The following RAB11FIP3 variants were observed in gnomAD, a reference collection of about 807,000 sequenced individuals.
RAB11FIP3 encodes RAB11 family interacting protein 3, also known as rab11 family-interacting protein 3.
A neutral mutation model predicts 77.8 loss-of-function variants in RAB11FIP3; 17 were observed. The observed-to-expected ratio is 0.22, with a 90% confidence interval of 0.15 to 0.33. The LOEUF (loss-of-function observed/expected upper bound fraction) is 0.33. RAB11FIP3 is among the 10% of genes least tolerant of loss of function. RAB11FIP3 has a pLI of 1.00. For missense variants in RAB11FIP3, 1,005 were observed against 1,011.2 expected (o/e 0.99, Z 0.08); for synonymous variants, 437 against 448.2 (o/e 0.98, Z 0.31).
At chr16:431,901 C>T (rs1456968886) in intron 1 of RAB11FIP3, among the ~76,000 whole-genome samples, 2 of 151,978 alleles carry the variant, frequency 1.3e-5, no homozygotes, top group Non-Finnish European at 1.5e-5. Context: ...GGACTACAGG[C>T]GCCCGCCACC....
At chr16:434,801 C>T (rs539165372) in intron 1 of RAB11FIP3, among the ~76,000 whole-genome samples, 96 of 152,228 alleles carry the variant, frequency 6.3e-4, no homozygotes, top group African/African-American at 2.3e-3. Context: ...CAGTGGCTCA[C>T]ACCTGTAATC....
chr16:427,866 G>A (rs569785454), intron 1 of RAB11FIP3, among the ~76,000 whole-genome samples: 81 of 152,220 alleles, frequency 5.3e-4, no homozygotes, highest in African/African-American at 2.0e-3. Context: ...TTAGGAGGCC[G>A]AGGCGGGCGG....
At chr16:441,044 G>A (rs993117995) in intron 1 of RAB11FIP3, among the ~76,000 whole-genome samples, 1 of 152,000 alleles carries the variant, frequency 6.6e-6, no homozygotes, top group African/African-American at 2.4e-5. Flanking sequence ...AGGTTCAAGC[G>A]ATTCTCCCGC....
intron 5 of RAB11FIP3, among the ~76,000 whole-genome samples, chr16:494,179 G>A (rs572851150): frequency 1.2e-4 from 18 of 148,844 alleles, no homozygotes; most frequent in South Asian, 4.3e-4. Flanking sequence ...GTGAGCCACC[G>A]CACCTGGCCA....
intron 3 of RAB11FIP3, chr16:475,108 G>GGCAGTAGTGTGCACTGT: frequency 6.4e-7 from 1 of 1,550,954 alleles, no homozygotes; most frequent in East Asian, 2.4e-5. Context: ...GGTAAGAGGA[G>GGCAGTAGTGTGCACTGT]GCAGTAGTGT....
chr16:512,228 CT>C (rs1036193447), intron 9 of RAB11FIP3, among the ~76,000 whole-genome samples: 14 of 109,634 alleles, frequency 1.3e-4, no homozygotes, highest in African/African-American at 3.4e-4. Flanking sequence ...AAATACCAAT[CT>C]TTTTTTTTTG....
chr16:452,303 C>G (rs1383864560), intron 1 of RAB11FIP3: 1 of 151,932 alleles, frequency 6.6e-6, no homozygotes, highest in Non-Finnish European at 1.5e-5. Context: ...CCACTGCACT[C>G]CAGCCTGGGT....
intron 1 of RAB11FIP3, among the ~76,000 whole-genome samples, chr16:451,844 CAA>C (rs1261265094): frequency 6.7e-6 from 1 of 149,548 alleles, no homozygotes; most frequent in Non-Finnish European, 1.5e-5. Context: ...CAAAAACAAA[CAA>C]AGGAAAAAAA....
chr16:478,826 C>T (rs904691267), intron 3 of RAB11FIP3, among the ~76,000 whole-genome samples: 2 of 151,874 alleles, frequency 1.3e-5, no homozygotes, highest in South Asian at 2.1e-4. Context: ...ATTAGCTGGG[C>T]ACAGTGGTGC....
At chr16:454,926 T>C (rs753359857) in intron 1 of RAB11FIP3, among the ~76,000 whole-genome samples, 55 of 151,918 alleles carry the variant, frequency 3.6e-4, no homozygotes, top group Non-Finnish European at 2.6e-4. Context: ...GGTACGTGCC[T>C]GTAATCCCAG....
At chr16:458,892 A>G (rs549832101) in intron 1 of RAB11FIP3, among the ~76,000 whole-genome samples, 1 of 152,170 alleles carries the variant, frequency 6.6e-6, no homozygotes, top group African/African-American at 2.4e-5. Flanking sequence ...GTTCAAACCC[A>G]TATGAAAGTG....
intron 1 of RAB11FIP3, among the ~76,000 whole-genome samples, chr16:441,187 C>T (rs1038625675): frequency 6.6e-6 from 1 of 152,110 alleles, no homozygotes; most frequent in African/African-American, 2.4e-5. Context: ...GGTGATCCAC[C>T]TGCCTCAGCC....
chr16:445,773 C>T (rs1437002423), intron 1 of RAB11FIP3, among the ~76,000 whole-genome samples: 1 of 152,152 alleles, frequency 6.6e-6, no homozygotes, highest in Non-Finnish European at 1.5e-5. Context: ...CATCTGTGCT[C>T]TCGGCGGGAG....
At chr16:468,242 T>A (rs143118228) in intron 2 of RAB11FIP3, among the ~76,000 whole-genome samples, 785 of 86,838 alleles carry the variant, frequency 9.0e-3, no homozygotes, top group African/African-American at 0.014. Context: ...GAGGAGGTGC[T>A]GGGGCGTCAG....
At chr16:448,689 T>C in intron 1 of RAB11FIP3, among the ~76,000 whole-genome samples, 1 of 139,570 alleles carries the variant, frequency 7.2e-6, no homozygotes, top group African/African-American at 2.7e-5. Context: ...TGAGCCGAGA[T>C]GGTGCCACTG....
intron 1 of RAB11FIP3, among the ~76,000 whole-genome samples, chr16:431,575 G>A (rs1216723449): frequency 4.0e-5 from 6 of 151,896 alleles, no homozygotes; most frequent in Non-Finnish European, 8.8e-5. Flanking sequence ...GGGTTTCGCC[G>A]TGTTGACTAG....
At position 465,572 on chromosome 16, in the gene RAB11FIP3, A is replaced by G. The variant is rs186452366; in HGVS notation, c.808+4075A>G. ...GGAAGTAGATGCGAGCTTAGAGGGG[A>G]GTGTGGGCGGCCTGTCAGTAGCCAC... On this transcript the variant is annotated intron_variant, in intron 2 of 13. Coordinates refer to ENST00000262305, the MANE Select transcript of RAB11FIP3 (RefSeq NM_014700.4). 1.8e-3 allele frequency among the ~76,000 whole-genome samples: 268 copies of G among 152,088 alleles called. 1 individual carries two copies. The highest frequency in any genetic ancestry group is 6.2e-3 in the African/African-American group (259 of 41,462).
intron 2 of RAB11FIP3, among the ~76,000 whole-genome samples, chr16:467,394 G>GTCAGGGAGGAGGTGCAGTAGCC (rs542984222): frequency 2.0e-5 from 3 of 151,948 alleles, no homozygotes; most frequent in Admixed American, 6.6e-5. Flanking sequence ...TGGAGTGGGC[G>GTCAGGGAGGAGGTGCAGTAGCC]TCAGGGAGGA....
intron 2 of RAB11FIP3, among the ~76,000 whole-genome samples, chr16:470,779 A>G (rs2055793952): frequency 6.6e-6 from 1 of 152,224 alleles, no homozygotes; most frequent in South Asian, 2.1e-4. Context: ...CTCATAGAAC[A>G]TTGATTATAG....
Sources: allele counts gnomAD v4.1 joint callset (sites outside exome capture counted in the v4.1 genomes callset), GRCh38; gene constraint gnomAD v4.1.1; transcripts MANE v1.5; gene names NCBI Gene and HGNC (gene_info 2026-07-23, HGNC 2026-07-21).